MYO5B: variants seen among roughly 807,000 people sequenced by gnomAD.
MYO5B encodes the protein myosin VB, also known as unconventional myosin-Vb.
In MYO5B, 143 loss-of-function variants were observed where a neutral mutation model predicts 229.3. The observed-to-expected ratio is 0.62, with a 90% CI of 0.54 to 0.72. The LOEUF (loss-of-function observed/expected upper bound fraction) is 0.72. Among genes scored for constraint, MYO5B ranks in the 30% least tolerant of loss-of-function variants. The pLI, the probability that MYO5B is intolerant of heterozygous loss-of-function variation, is 0.00. For synonymous variants in MYO5B, 918 were observed against 885.2 expected, an observed-to-expected ratio of 1.04 and a Z score of -0.66; for missense variants, 2,321 against 2,331.0, an observed-to-expected ratio of 1.00 and a Z score of 0.09.
At chr18:50,109,616 C>T (rs1191604089) in intron 1 of MYO5B, among the ~76,000 whole-genome samples, 1 of 151,916 alleles carries the variant, frequency 6.6e-6, no homozygotes, top group Non-Finnish European at 1.5e-5. Flanking sequence ...TTAGTAGAGA[C>T]AGGGTCTCAC....
At chr18:49,882,260 G>T (rs2024594869) in intron 22 of MYO5B, among the ~76,000 whole-genome samples, 1 of 152,076 alleles carries the variant, frequency 6.6e-6, no homozygotes, top group Non-Finnish European at 1.5e-5. Flanking sequence ...CCTAAGTGTG[G>T]TATATGGCAA....
intron 14 of MYO5B, among the ~76,000 whole-genome samples, chr18:49,951,272 A>G (rs889432504): frequency 1.3e-5 from 2 of 152,162 alleles, no homozygotes; most frequent in East Asian, 1.9e-4. Flanking sequence ...AGCCATAACT[A>G]TATGCTAAGT....
chr18:49,837,444 T>A, intron 37 of MYO5B, 73 bp downstream of exon 37: 3 of 1,554,472 alleles, frequency 1.9e-6, no homozygotes, highest in Non-Finnish European at 2.7e-6. Flanking sequence ...AACAGCAGTC[T>A]TGTGTTCTGA....
chr18:49,878,963 A>G lies in MYO5B; in HGVS notation c.3258T>C (p.Asp1086=). The G allele has an allele frequency of 8.1e-6, 13 of 1,614,116 alleles. No homozygotes were observed. Among genetic ancestry groups the G allele is most frequent in the Non-Finnish European group, 9.3e-6 (11 of 1,180,014 alleles). ...QLEQRYDNLR[D]EMTIIKQTPG... is the part of the protein sequence containing the mutation. ...CCCTTGCCTTTATGATGGTCATTTCATCCCGAAGGTTGTCGTATCTCTGCT... is the reference window on the plus strand; with the variant it reads ...CCCTTGCCTTTATGATGGTCATTTCGTCCCGAAGGTTGTCGTATCTCTGCT... Residue 1086 remains aspartate (D), a synonymous_variant, in exon 24 of 40, where the codon GAT becomes GAC. Transcript: ENST00000285039.
chr18:49,985,866 A>C (rs1350114586), intron 7 of MYO5B, among the ~76,000 whole-genome samples: 1 of 152,160 alleles, frequency 6.6e-6, no homozygotes, highest in African/African-American at 2.4e-5. Context: ...CTGTCCTTGC[A>C]ATTTGATCTC....
intron 33 of MYO5B, among the ~76,000 whole-genome samples, chr18:49,844,870 G>A (rs2024105646): frequency 6.6e-6 from 1 of 152,230 alleles, no homozygotes; most frequent in African/African-American, 2.4e-5. Flanking sequence ...TTAGCATCTT[G>A]GGGAAGAGAC....
At chr18:50,013,304 A>G (rs571251214) in intron 4 of MYO5B, among the ~76,000 whole-genome samples, 15 of 152,338 alleles carry the variant, frequency 9.8e-5, no homozygotes, top group Non-Finnish European at 1.9e-4. Flanking sequence ...GAGTGGTAAC[A>G]TCTGGGAAAT....
At chr18:49,950,575 C>T (rs1346621957) in intron 14 of MYO5B, among the ~76,000 whole-genome samples, 1 of 151,990 alleles carries the variant, frequency 6.6e-6, no homozygotes, top group African/African-American at 2.4e-5. Flanking sequence ...GAAAGACAAC[C>T]AAGATACAAT....
At chr18:50,133,085 A>C (rs922550395) in intron 1 of MYO5B, among the ~76,000 whole-genome samples, 3 of 152,244 alleles carry the variant, frequency 2.0e-5, no homozygotes, top group African/African-American at 7.2e-5. Flanking sequence ...TGAGGGCAGA[A>C]TTAATCCAGA....
intron 4 of MYO5B, among the ~76,000 whole-genome samples, chr18:50,024,133 A>T (rs1036950691): frequency 6.6e-6 from 1 of 152,220 alleles, no homozygotes; most frequent in African/African-American, 2.4e-5. Context: ...GTGCAATGAC[A>T]AATGGAATAA....
chr18:49,892,011 C>A (rs2024720862), intron 22 of MYO5B, among the ~76,000 whole-genome samples: 1 of 151,952 alleles, frequency 6.6e-6, no homozygotes, highest in African/African-American at 2.4e-5. Flanking sequence ...GTAAGCCTTG[C>A]TCTGGTCCCA....
At chr18:50,108,708 CTAA>C (rs978545978) in intron 1 of MYO5B, among the ~76,000 whole-genome samples, 6 of 152,218 alleles carry the variant, frequency 3.9e-5, no homozygotes, top group Admixed American at 3.9e-4. Context: ...ATCTCGGGTT[CTAA>C]TAATAAGGCC....
chr18:49,858,649 T>C (rs570612785), intron 29 of MYO5B, among the ~76,000 whole-genome samples: 2 of 152,250 alleles, frequency 1.3e-5, no homozygotes, highest in South Asian at 4.1e-4. Context: ...ACAAGGAAGT[T>C]AGGATTAATG....
chr18:50,073,922 T>TC (rs2031018425), intron 1 of MYO5B, among the ~76,000 whole-genome samples: 1 of 152,192 alleles, frequency 6.6e-6, no homozygotes, highest in African/African-American at 2.4e-5. Context: ...ATCTTGTGTC[T>TC]GATCCTTCTC....
At chr18:49,868,966 A>G (rs1377522936) in intron 27 of MYO5B, among the ~76,000 whole-genome samples, 1 of 152,224 alleles carries the variant, frequency 6.6e-6, no homozygotes, top group Non-Finnish European at 1.5e-5. Context: ...GGTTTAAGCA[A>G]AAAATCACTA....
At chr18:49,835,183 G>A (rs1013368079) in intron 39 of MYO5B, among the ~76,000 whole-genome samples, 161 bp downstream of exon 39, 9 of 152,248 alleles carry the variant, frequency 5.9e-5, no homozygotes, top group Middle Eastern at 3.4e-3. Context: ...TGGGTGATAC[G>A]GTTCATGTTT....
chr18:49,974,436 C>T lies in MYO5B; in HGVS notation c.1236G>A (p.Leu412=), dbSNP rs1469078934. 1 of 1,614,058 alleles carries T rather than the reference C, an allele frequency of 6.2e-7. No homozygotes were observed. Among genetic ancestry groups the T allele is most frequent in the African/African-American group, 1.3e-5 (1 of 74,920 alleles). Residue 412 remains leucine, a synonymous_variant, in exon 10 of 40, where the codon TTG becomes TTA. Coordinates refer to ENST00000285039, the MANE Select transcript of MYO5B (RefSeq NM_001080467.3). ...TGATGTGCTCCACAATCCAGCCGAA[C>T]AACTGGGCATAGATGTGCTTCGCCA... ...NALAKHIYAQ[L]FGWIVEHINK... is the part of the protein sequence containing the mutation.
chr18:50,184,908 A>C (rs2033126549), intron 1 of MYO5B, among the ~76,000 whole-genome samples: 1 of 150,284 alleles, frequency 6.7e-6, no homozygotes, highest in African/African-American at 2.5e-5. Context: ...AAAAATATAT[A>C]TATATATATT....
rs533899477 is a variant in MYO5B, at chr18:49,881,698, A to T, written c.3046-1243T>A. ...GTGCCTGTAGTCCCAGCTACTCGGG[A>T]GGCTGAGGCAGGAGAATGGCGTGAA... On this transcript the variant is annotated intron_variant, in intron 22 of 39. Coordinates refer to ENST00000285039, the MANE Select transcript of MYO5B (RefSeq NM_001080467.3). 2.3e-3 allele frequency among the ~76,000 whole-genome samples: 203 copies of T among 89,654 alleles called. 1 individual carries two copies. Among genetic ancestry groups the T allele is most frequent in the East Asian group, 0.014 (43 of 3,022 alleles). 58.8% of individuals were successfully genotyped at this position (89,654 alleles called of 152,430 possible). A position where few individuals can be genotyped will look rare whatever the true frequency, so the allele number is the denominator to read the frequency against.
Sources: allele counts gnomAD v4.1 joint callset (sites outside exome capture counted in the v4.1 genomes callset), GRCh38; gene constraint gnomAD v4.1.1; transcripts MANE v1.5; gene names NCBI Gene and HGNC (gene_info 2026-07-23, HGNC 2026-07-21).